The following MAPRE3 variants were observed in gnomAD, a reference collection of about 807,000 sequenced individuals.
MAPRE3 encodes microtubule associated protein RP/EB family member 3, also known as microtubule-associated protein RP/EB family member 3.
MAPRE3 carries 2 observed loss-of-function variants against 30.5 expected under a neutral mutation model. The observed-to-expected ratio is 0.07, with a 90% CI of 0.03 to 0.21. The LOEUF (loss-of-function observed/expected upper bound fraction) is 0.21, where lower values mean the gene tolerates loss of function less well. Ranked by LOEUF, MAPRE3 falls within the 10% of genes least tolerant of loss-of-function variation. The pLI, the probability that MAPRE3 is intolerant of heterozygous loss-of-function variation, is 1.00. For missense variants in MAPRE3, 204 were observed against 351.8 expected (o/e 0.58, Z 3.36); for synonymous variants, 110 against 127.7 (o/e 0.86, Z 0.93).
At chr2:26,984,750 A>G (rs978599091) in intron 1 of MAPRE3, 1 of 152,240 alleles carries the variant, frequency 6.6e-6, no homozygotes, top group African/African-American at 2.4e-5. Flanking sequence ...ATTTTCTTCC[A>G]GTCGCACATA....
intron 1 of MAPRE3, among the ~76,000 whole-genome samples, chr2:26,988,989 C>G (rs1047725778): frequency 1.1e-4 from 16 of 152,330 alleles, no homozygotes; most frequent in African/African-American, 2.9e-4. Flanking sequence ...TGCTCCAGCT[C>G]AGCACCTCTG....
At chr2:27,005,750 G>T (rs1265767452) in intron 1 of MAPRE3, among the ~76,000 whole-genome samples, 1 of 152,196 alleles carries the variant, frequency 6.6e-6, no homozygotes, top group African/African-American at 2.4e-5. Context: ...TTATTATAAT[G>T]AATAGAAATA....
At chr2:27,023,201 T>G in intron 2 of MAPRE3, 131 bp from the exon 3 acceptor site, 1 of 929,250 alleles carries the variant, frequency 1.1e-6, no homozygotes, top group Non-Finnish European at 1.6e-6. Context: ...GCCATGTCTA[T>G]CCTGAAAGTA....
rs1667244878 is a variant in MAPRE3 at position 27,026,410 on chromosome 2, C to T, written c.*62C>T. The T allele has an allele frequency of 7.3e-7, 1 of 1,371,858 alleles. No individual in the cohort carries two copies. The highest frequency in any genetic ancestry group is 1.0e-6 in the Non-Finnish European group (1 of 972,676). The allele number at this position is 1,371,858 out of a possible 1,614,324, so 85.0% of individuals were successfully genotyped here. A position where few individuals can be genotyped will look rare whatever the true frequency, so the allele number is the denominator to read the frequency against. ...CGTGCCTCCCTCCCTGCTCCACTCCCACATTATAGTCCTTTCCTAACACGG... is the reference window on the plus strand; with the variant it reads ...CGTGCCTCCCTCCCTGCTCCACTCCTACATTATAGTCCTTTCCTAACACGG... On this transcript the variant is annotated 3_prime_UTR_variant, in exon 7 of 7. Transcript: ENST00000233121.
chr2:26,998,729 C>G (rs566414846), intron 1 of MAPRE3, among the ~76,000 whole-genome samples: 1 of 152,190 alleles, frequency 6.6e-6, no homozygotes, highest in African/African-American at 2.4e-5. Flanking sequence ...CTAGGCTAAC[C>G]CAGCCCAGAG....
chr2:26,979,411 C>T (rs1666073082), intron 1 of MAPRE3, among the ~76,000 whole-genome samples: 1 of 152,136 alleles, frequency 6.6e-6, no homozygotes, highest in South Asian at 2.1e-4. Context: ...CATAGCGAGA[C>T]CCCATCTACA....
intron 1 of MAPRE3, among the ~76,000 whole-genome samples, chr2:27,001,145 G>A (rs1257242197): frequency 6.6e-6 from 1 of 152,080 alleles, no homozygotes; most frequent in African/African-American, 2.4e-5. Context: ...CTTAATGATG[G>A]GATACATTCC....
intron 1 of MAPRE3, chr2:27,013,829 G>A (rs1392660945): frequency 1.3e-5 from 2 of 152,252 alleles, no homozygotes; most frequent in Non-Finnish European, 2.9e-5. Flanking sequence ...CAGTGATCTT[G>A]CCTATCAGTA....
chr2:27,017,876 T>C (rs1345171766), intron 1 of MAPRE3, among the ~76,000 whole-genome samples: 1 of 152,120 alleles, frequency 6.6e-6, no homozygotes, highest in African/African-American at 2.4e-5. Flanking sequence ...ACACACACAC[T>C]TGGGCTGCAC....
intron 1 of MAPRE3, among the ~76,000 whole-genome samples, chr2:27,001,810 T>G (rs1408230584): frequency 6.6e-6 from 1 of 152,222 alleles, no homozygotes; most frequent in Non-Finnish European, 1.5e-5. Flanking sequence ...ATGTAAACAT[T>G]GTGATGCGGT....
chr2:27,024,362 G>A, intron 4 of MAPRE3, 65 bp downstream of exon 4: 3 of 1,479,034 alleles, frequency 2.0e-6, no homozygotes, highest in Non-Finnish European at 2.7e-6. Context: ...ATAGCCAGGA[G>A]TGCCCCCTGG....
intron 1 of MAPRE3, among the ~76,000 whole-genome samples, chr2:26,977,536 A>C (rs1193124501): frequency 6.6e-6 from 1 of 152,142 alleles, no homozygotes; most frequent in African/African-American, 2.4e-5. Flanking sequence ...CTGTTTCAAA[A>C]GACTCTGCCC....
At chr2:27,006,916 G>C (rs1317337487) in intron 1 of MAPRE3, among the ~76,000 whole-genome samples, 3 of 152,204 alleles carry the variant, frequency 2.0e-5, no homozygotes, top group Non-Finnish European at 2.9e-5. Context: ...GAAACTGTGG[G>C]AAGTTAGATA....
At chr2:27,005,926 T>TA (rs1243808612) in intron 1 of MAPRE3, among the ~76,000 whole-genome samples, 1 of 152,152 alleles carries the variant, frequency 6.6e-6, no homozygotes, top group Non-Finnish European at 1.5e-5. Flanking sequence ...CTCACGCCTG[T>TA]AATCCCAGCA....
intron 1 of MAPRE3, among the ~76,000 whole-genome samples, chr2:26,972,700 G>T (rs1665938815): frequency 6.6e-6 from 1 of 152,214 alleles, no homozygotes; most frequent in Non-Finnish European, 1.5e-5. Context: ...TATTACTGGG[G>T]TGGAGGGTTG....
At chr2:26,991,328 A>G (rs1017168414) in intron 1 of MAPRE3, among the ~76,000 whole-genome samples, 1 of 152,186 alleles carries the variant, frequency 6.6e-6, no homozygotes, top group Non-Finnish European at 1.5e-5. Context: ...TCTGCCACTG[A>G]GGTACAGCCT....
rs1253387688 is a variant in MAPRE3 at position 26,986,967 on chromosome 2, G to T, written c.-8+16165G>T. Among the ~76,000 whole-genome samples the T allele has an allele frequency of 6.6e-6, 1 of 152,092 alleles. No individual in the cohort carries two copies. The highest frequency in any genetic ancestry group is 1.9e-4 in the East Asian group (1 of 5,188). On this transcript the variant is annotated intron_variant, in intron 1 of 6. Transcript: ENST00000233121. The surrounding 1 kb of genome is among the most constrained non-coding windows in gnomAD (Gnocchi z 4.2). ...CCGTGTGAAAGAGTTTCCACCTAGAGGTAAGAACTCAGGAGGGAGTGCCCC... is the reference window on the plus strand; with the variant it reads ...CCGTGTGAAAGAGTTTCCACCTAGATGTAAGAACTCAGGAGGGAGTGCCCC...
intron 3 of MAPRE3, 73 bp from the exon 4 acceptor site, chr2:27,024,023 T>C: frequency 1.7e-6 from 2 of 1,182,376 alleles, no homozygotes; most frequent in South Asian, 1.3e-5. Context: ...CTGAGAGCAG[T>C]GGCCCTCAGC....
intron 1 of MAPRE3, among the ~76,000 whole-genome samples, chr2:26,997,866 A>G (rs895819198): frequency 3.9e-5 from 6 of 152,230 alleles, no homozygotes; most frequent in Admixed American, 2.6e-4. Flanking sequence ...GAATTGTTGC[A>G]TCTATTAGAA....
Sources: gnomAD v4.1 joint callset for allele counts (sites outside exome capture counted in the v4.1 genomes callset) on GRCh38, gnomAD v4.1.1 for gene constraint, Gnocchi (gnomAD v3.1) non-coding constraint, MANE v1.5 for transcripts, NCBI Gene and HGNC (gene_info 2026-07-23, HGNC 2026-07-21) for gene names.